The following CHEK1 variants were observed in gnomAD, a reference collection of about 807,000 sequenced individuals.
The protein encoded by CHEK1 is checkpoint kinase 1.
In CHEK1, 32 loss-of-function variants were observed where a neutral mutation model predicts 60.2. The observed-to-expected ratio is 0.53, with a 90% confidence interval of 0.40 to 0.71. The LOEUF (loss-of-function observed/expected upper bound fraction) is 0.71, where lower values mean the gene tolerates loss of function less well. Among genes scored for constraint, CHEK1 ranks in the 30% least tolerant of loss-of-function variants. The probability of loss-of-function intolerance (pLI) is 0.00; values close to 1 mark genes in which losing one functional copy is unlikely to be tolerated. For synonymous variants in CHEK1, 179 were observed against 187.2 expected, an observed-to-expected ratio of 0.96 and a Z score of 0.36; for missense variants, 399 against 564.6, an observed-to-expected ratio of 0.71 and a Z score of 2.97.
At chr11:125,672,012 A>T (rs534814068) in intron 13 of CHEK1, 1 of 152,238 alleles carries the variant, frequency 6.6e-6, no homozygotes, top group Non-Finnish European at 1.5e-5. Flanking sequence ...TACTATTATC[A>T]TTATGTTAGT....
intron 11 of CHEK1, among the ~76,000 whole-genome samples, chr11:125,648,520 T>C (rs958952969): frequency 6.6e-6 from 1 of 151,394 alleles, no homozygotes; most frequent in Admixed American, 6.6e-5. Flanking sequence ...AGGCGGAGGT[T>C]GCAGTGAGCC....
At chr11:125,659,374 T>C (rs927837798), downstream of CHEK1, among the ~76,000 whole-genome samples, 2 of 152,124 alleles carry the variant, frequency 1.3e-5, no homozygotes, top group Admixed American at 1.3e-4. Context: ...ATTGCTATGA[T>C]AGTTTCAGAT....
chr11:125,629,657 CA>C (rs2135979365), intron 5 of CHEK1, among the ~76,000 whole-genome samples, 197 bp downstream of exon 5: 1 of 152,000 alleles, frequency 6.6e-6, no homozygotes, highest in East Asian at 1.9e-4. Flanking sequence ...TCTCATTTTG[CA>C]ATACAAGTGC....
At chr11:125,628,230 G>T (rs1474319736) in intron 3 of CHEK1, among the ~76,000 whole-genome samples, 1 of 152,004 alleles carries the variant, frequency 6.6e-6, no homozygotes, top group African/African-American at 2.4e-5. Flanking sequence ...ATAGCATGCT[G>T]TTTCCTCTTG....
intron 13 of CHEK1, among the ~76,000 whole-genome samples, chr11:125,674,099 G>A (rs1030916369): frequency 1.3e-5 from 2 of 151,992 alleles, no homozygotes; most frequent in South Asian, 2.1e-4. Context: ...AGCTGAGATC[G>A]CGCCACTGCA....
intron 8 of CHEK1, among the ~76,000 whole-genome samples, chr11:125,641,814 T>A (rs1413599751): frequency 6.6e-6 from 1 of 152,126 alleles, no homozygotes; most frequent in African/African-American, 2.4e-5. Flanking sequence ...CCTCTACTGT[T>A]ACCCTATCAT....
At chr11:125,676,363 A>G (rs961244183), downstream of CHEK1, 10 of 1,614,072 alleles carry the variant, frequency 6.2e-6, no homozygotes, top group African/African-American at 1.1e-4. Flanking sequence ...ATATACCTTC[A>G]AAGATCTTCT....
intron 7 of CHEK1, among the ~76,000 whole-genome samples, chr11:125,637,183 G>A (rs183383148): frequency 5.7e-4 from 87 of 152,188 alleles, no homozygotes; most frequent in African/African-American, 1.9e-3. Context: ...TGTTAATCTC[G>A]TCACATGAGG....
chr11:125,650,132 A>G (rs1591416424), intron 11 of CHEK1, among the ~76,000 whole-genome samples: 1 of 149,034 alleles, frequency 6.7e-6, no homozygotes, highest in South Asian at 2.1e-4. Flanking sequence ...TTTTGGCCAC[A>G]ATTTCTTCAG....
intron 13 of CHEK1, among the ~76,000 whole-genome samples, chr11:125,662,917 G>C (rs567610253): frequency 1.1e-4 from 17 of 152,196 alleles, no homozygotes; most frequent in Admixed American, 2.0e-4. Flanking sequence ...CATTCTGATA[G>C]GTATGTAGTA....
rs556572952 is a variant in CHEK1 at position 125,640,769 on chromosome 11, C to G, written c.815-3023C>G. On this transcript the variant is annotated intron_variant, in intron 8 of 12. Coordinates refer to ENST00000438015, the MANE Select transcript of CHEK1 (RefSeq NM_001114122.3). ...ATTTTTGGTAGAGATGAGGTTTCGC[C>G]ATGTTGCCTATGCTTTTCTACCAAA... is the stretch of plus-strand genomic sequence containing the variant. Among the ~76,000 whole-genome samples the G allele has an allele frequency of 2.6e-5, 4 of 152,008 alleles. No individual in the cohort carries two copies. The East Asian group carries it at 7.9e-4, about 30-fold the overall frequency.
At chr11:125,649,719 G>T in intron 11 of CHEK1, 1 of 153,052 alleles carries the variant, frequency 6.5e-6, no homozygotes, top group Non-Finnish European at 1.4e-5. Context: ...GGGTGACAGA[G>T]CAAGACTGTC....
chr11:125,638,406 G>A (rs959599651), intron 8 of CHEK1, among the ~76,000 whole-genome samples: 1 of 152,184 alleles, frequency 6.6e-6, no homozygotes, highest in Non-Finnish European at 1.5e-5. Context: ...TGATAGGACT[G>A]TTAGGCTGTG....
intron 11 of CHEK1, among the ~76,000 whole-genome samples, chr11:125,650,931 A>G (rs1941701084): frequency 6.6e-6 from 1 of 152,144 alleles, no homozygotes; most frequent in African/African-American, 2.4e-5. Context: ...GAAGTTTACA[A>G]CGTTGCTTCA....
At chr11:125,642,287 G>A (rs1157142151) in intron 8 of CHEK1, among the ~76,000 whole-genome samples, 1 of 151,972 alleles carries the variant, frequency 6.6e-6, no homozygotes, top group Non-Finnish European at 1.5e-5. Flanking sequence ...GTGGACATAC[G>A]CAATCCAACA....
intron 13 of CHEK1, among the ~76,000 whole-genome samples, chr11:125,674,343 A>G (rs940717030): frequency 6.6e-6 from 1 of 152,236 alleles, no homozygotes; most frequent in South Asian, 2.1e-4. Context: ...GTATCAAGGA[A>G]ATTCTTAGGA....
intron 6 of CHEK1, among the ~76,000 whole-genome samples, chr11:125,633,998 G>GGTTT (rs376607270): frequency 2.4e-5 from 3 of 126,956 alleles, no homozygotes; most frequent in Admixed American, 8.3e-5. Context: ...CTCTATTGTG[G>GGTTT]TTTTTTTTTT....
intron 11 of CHEK1, among the ~76,000 whole-genome samples, chr11:125,647,531 CT>C (rs1941548869): frequency 6.6e-6 from 1 of 151,066 alleles, no homozygotes; most frequent in African/African-American, 2.4e-5. Context: ...GTTTTTCTGT[CT>C]TTTAGGATTA....
intron 13 of CHEK1, among the ~76,000 whole-genome samples, chr11:125,670,406 T>G (rs1942181085): frequency 6.6e-6 from 1 of 152,202 alleles, no homozygotes; most frequent in African/African-American, 2.4e-5. Context: ...TAATAATTTT[T>G]TATTACATAG....
Sources: allele counts gnomAD v4.1 joint callset (sites outside exome capture counted in the v4.1 genomes callset), GRCh38; gene constraint gnomAD v4.1.1; transcripts MANE v1.5; gene names NCBI Gene and HGNC (gene_info 2026-07-23, HGNC 2026-07-21).